Variants in ZCWPW2 observed in about 807,000 individuals in gnomAD.
ZCWPW2 encodes the protein zinc finger CW-type and PWWP domain containing 2, also known as zinc finger CW-type PWWP domain protein 2.
A neutral mutation model predicts 46.6 loss-of-function variants in ZCWPW2; 45 were observed. That is an observed-to-expected ratio of 0.96 (90% CI 0.76 to 1.24). The LOEUF (loss-of-function observed/expected upper bound fraction) is 1.24. Among genes scored for constraint, ZCWPW2 ranks in the 50% most tolerant of loss-of-function variants. The probability of loss-of-function intolerance (pLI) is 0.00; values close to 1 mark genes in which losing one functional copy is unlikely to be tolerated. For missense variants in ZCWPW2, 429 were observed against 403.9 expected (o/e 1.06, Z -0.53); for synonymous variants, 152 against 137.1 (o/e 1.11, Z -0.76).
chr3:28,430,508 G>A (rs1302649149), intron 3 of ZCWPW2, among the ~76,000 whole-genome samples: 1 of 152,194 alleles, frequency 6.6e-6, no homozygotes, highest in Non-Finnish European at 1.5e-5. Flanking sequence ...GGAATTTTGG[G>A]TTAAGCTGGA....
At chr3:28,487,398 C>T (rs898105114) in intron 5 of ZCWPW2, among the ~76,000 whole-genome samples, 9 of 152,066 alleles carry the variant, frequency 5.9e-5, no homozygotes, top group African/African-American at 1.7e-4. Flanking sequence ...TACTGATGAG[C>T]GCATAAAACA....
intron 6 of ZCWPW2, among the ~76,000 whole-genome samples, chr3:28,512,916 G>A (rs1420018439): frequency 6.6e-6 from 1 of 151,520 alleles, no homozygotes; most frequent in Non-Finnish European, 1.5e-5. Context: ...GTTTATTGCT[G>A]TAATACAAAC....
chr3:28,451,401 C>T (rs766127862), intron 4 of ZCWPW2, among the ~76,000 whole-genome samples: 1 of 152,190 alleles, frequency 6.6e-6, no homozygotes. Flanking sequence ...AAATTCTTTT[C>T]TCTTTGTACA....
intron 1 of ZCWPW2, among the ~76,000 whole-genome samples, chr3:28,357,678 T>A (rs573047721): frequency 2.0e-5 from 3 of 151,844 alleles, no homozygotes; most frequent in Admixed American, 1.3e-4. Flanking sequence ...TTTGGACTTA[T>A]ACTGAATTAT....
intron 4 of ZCWPW2, among the ~76,000 whole-genome samples, chr3:28,459,881 C>A (rs974861659): frequency 3.0e-4 from 45 of 152,108 alleles, no homozygotes. Context: ...TTTATTCCTT[C>A]TAGATAGGAA....
At chr3:28,447,959 G>A in intron 4 of ZCWPW2, 1 of 648,002 alleles carries the variant, frequency 1.5e-6, no homozygotes, top group East Asian at 3.2e-5. Context: ...AGGCCCTATG[G>A]TGTTTCCATG....
At chr3:28,396,311 C>T (rs1401758442) in intron 2 of ZCWPW2, among the ~76,000 whole-genome samples, 2 of 152,104 alleles carry the variant, frequency 1.3e-5, no homozygotes, top group Non-Finnish European at 2.9e-5. Flanking sequence ...TAAAATATTA[C>T]AAAAATTTAA....
At chr3:28,487,460 C>T (rs1313850510) in intron 5 of ZCWPW2, among the ~76,000 whole-genome samples, 1 of 152,086 alleles carries the variant, frequency 6.6e-6, no homozygotes, top group East Asian at 1.9e-4. Flanking sequence ...TCTTGTGAAT[C>T]TTTCTTAGAA....
chr3:28,374,456 G>C (rs190243172), intron 1 of ZCWPW2, among the ~76,000 whole-genome samples: 312 of 152,176 alleles, frequency 2.1e-3, no homozygotes, highest in African/African-American at 7.1e-3. Flanking sequence ...GATTGCTTCA[G>C]GCTCTATTTT....
intron 4 of ZCWPW2, among the ~76,000 whole-genome samples, chr3:28,439,411 C>G (rs1333904722): frequency 6.6e-6 from 1 of 151,998 alleles, no homozygotes; most frequent in African/African-American, 2.4e-5. Context: ...TTAAATGGTG[C>G]CCACCCAATT....
In ZCWPW2 at chr3:28,488,709, A is replaced by G. The variant is rs1360431086; in HGVS notation, c.611-3418A>G. On this transcript the variant is annotated intron_variant, in intron 5 of 9. Transcript: ENST00000383768. ...CTGCAGCTCCTCTTTTGCACTTTAA[A>G]AATATGACTTGGATATAGCTCAAAG... 2.0e-5 allele frequency among the ~76,000 whole-genome samples: 3 copies of G among 152,150 alleles called. No homozygotes were observed. The East Asian group carries it at 5.8e-4, about 29-fold the overall frequency.
rs568613582 is a variant in ZCWPW2 at position 28,390,618 on chromosome 3, G to T, written c.-14+1G>T. 1 of 985,232 alleles carries T rather than the reference G, an allele frequency of 1.0e-6. No homozygotes were observed. The highest frequency in any genetic ancestry group is 1.2e-6 in the Non-Finnish European group (1 of 829,926). The allele number at this position is 985,232 out of a possible 1,614,324, so 61.0% of individuals were successfully genotyped here. A position where few individuals can be genotyped will look rare whatever the true frequency, so the allele number is the denominator to read the frequency against. On this transcript the variant is annotated splice_donor_variant, in intron 2 of 9. Transcript: ENST00000383768. LOFTEE classifies it low-confidence loss of function (5UTR_SPLICE). ...AGGAACAAAAGAAAAGTCTAACTCC[G>T]TAAGTACTTGAGAAACTCCAAAATG...
Position 28,504,103 on chromosome 3 carries a change from G to A in ZCWPW2, c.658-9961G>A, listed in dbSNP as rs565516551. ...TCCCAGCTACTCAAGAGGCTGAGGT[G>A]GGAGGATCCCCTGAGCCTAGGAAGT... On this transcript the variant is annotated intron_variant, in intron 6 of 9. Transcript: ENST00000383768. Among the ~76,000 whole-genome samples the A allele has an allele frequency of 6.6e-5, 10 of 152,024 alleles. No individual in the cohort carries two copies. The South Asian group carries it at 2.1e-3, about 32-fold the overall frequency.
chr3:28,380,170 G>C (rs2125708797), intron 1 of ZCWPW2, among the ~76,000 whole-genome samples: 1 of 151,938 alleles, frequency 6.6e-6, no homozygotes, highest in African/African-American at 2.4e-5. Flanking sequence ...TTTTTTAGTA[G>C]ACACGGGGTT....
At chr3:28,448,633 A>C (rs1698091591) in intron 4 of ZCWPW2, among the ~76,000 whole-genome samples, 2 of 151,610 alleles carry the variant, frequency 1.3e-5, no homozygotes, top group African/African-American at 4.8e-5. Context: ...AAAAATACAA[A>C]AATTAGCCAG....
At chr3:28,363,032 A>G (rs1198463807) in intron 1 of ZCWPW2, among the ~76,000 whole-genome samples, 1 of 149,004 alleles carries the variant, frequency 6.7e-6, no homozygotes, top group African/African-American at 2.5e-5. Flanking sequence ...GACAGAAAGG[A>G]GAACAACAGA....
At chr3:28,365,098 G>T (rs1008704097) in intron 1 of ZCWPW2, among the ~76,000 whole-genome samples, 2 of 151,244 alleles carry the variant, frequency 1.3e-5, no homozygotes, top group Admixed American at 6.6e-5. Flanking sequence ...TCTGTAGGTT[G>T]CCTGTTCACT....
At chr3:28,355,879 C>A (rs536489062) in intron 1 of ZCWPW2, among the ~76,000 whole-genome samples, 65 of 152,304 alleles carry the variant, frequency 4.3e-4, no homozygotes, top group African/African-American at 1.5e-3. Flanking sequence ...AATGTCAGTC[C>A]TAAAACCATA....
rs188511980 is a variant in ZCWPW2 at position 28,465,740 on chromosome 3, G to A, written c.493-13074G>A. 7.9e-5 allele frequency among the ~76,000 whole-genome samples: 12 copies of A among 151,762 alleles called. No homozygotes were observed. The East Asian group carries it at 2.3e-3, about 29-fold the overall frequency. ...ACAATTATATACCTGTAAAACCCAAGGAACTCAAACAATCAAACAAAAAAA... is the reference window on the plus strand; with the variant it reads ...ACAATTATATACCTGTAAAACCCAAAGAACTCAAACAATCAAACAAAAAAA... On this transcript the variant is annotated intron_variant, in intron 4 of 9. Coordinates refer to ENST00000383768, the MANE Select transcript of ZCWPW2 (RefSeq NM_001040432.4).
Sources: gnomAD v4.1 joint callset for allele counts (sites outside exome capture counted in the v4.1 genomes callset) on GRCh38, gnomAD v4.1.1 for gene constraint, MANE v1.5 for transcripts, NCBI Gene and HGNC (gene_info 2026-07-23, HGNC 2026-07-21) for gene names.